Variants in KCNMA1 observed in about 807,000 individuals in gnomAD.
KCNMA1 encodes Calcium-activated potassium channel subunit alpha-1.
A neutral mutation model predicts 140.0 loss-of-function variants in KCNMA1; 29 were observed. The ratio of observed to expected loss-of-function variants is 0.21; its 90% confidence interval spans 0.15 to 0.28. The LOEUF (loss-of-function observed/expected upper bound fraction) is 0.28, where lower values mean the gene tolerates loss of function less well. Among genes scored for constraint, KCNMA1 ranks in the 10% least tolerant of loss-of-function variants. KCNMA1 has a pLI of 1.00. For synonymous variants in KCNMA1, 612 were observed against 611.9 expected (o/e 1.00, Z 0.00); for missense variants, 880 against 1,602.2 (o/e 0.55, Z 7.70).
rs192904596 is a variant in KCNMA1, at chr10:77,116,983, C to G, written c.884+3990G>C. Among the ~76,000 whole-genome samples, 42 of 152,288 alleles carry G rather than the reference C, an allele frequency of 2.8e-4. No homozygotes were observed. The East Asian group carries it at 7.2e-3, about 26-fold the overall frequency. ...TCTCCCTGCACATCTCTTGCAGTCT[C>G]CATATAGAATACTCTTCTTTACAAA... is the stretch of plus-strand genomic sequence containing the variant. On this transcript the variant is annotated intron_variant, in intron 6 of 27. Coordinates refer to ENST00000286628, the MANE Select transcript of KCNMA1 (RefSeq NM_001161352.2).
chr10:77,443,570 T>C (rs984412574), intron 1 of KCNMA1, among the ~76,000 whole-genome samples: 1 of 152,110 alleles, frequency 6.6e-6, no homozygotes, highest in Non-Finnish European at 1.5e-5. Flanking sequence ...TCGTGGAACA[T>C]GGAGGGAGTG....
chr10:77,482,986 TCACATA>T (rs1324969983), intron 1 of KCNMA1, among the ~76,000 whole-genome samples: 16 of 75,454 alleles, frequency 2.1e-4, no homozygotes, highest in African/African-American at 7.9e-4. Flanking sequence ...TCTCTCTCTC[TCACATA>T]CACACACACA....
chr10:77,307,669 C>G (rs1260255056), intron 2 of KCNMA1, among the ~76,000 whole-genome samples: 1 of 152,142 alleles, frequency 6.6e-6, no homozygotes, highest in Non-Finnish European at 1.5e-5. Context: ...GCCTCAGCCT[C>G]CCAAGTAGCT....
intron 1 of KCNMA1, among the ~76,000 whole-genome samples, chr10:77,435,608 C>A (rs779186447): frequency 1.3e-5 from 2 of 152,196 alleles, no homozygotes; most frequent in Non-Finnish European, 2.9e-5. Context: ...GCTACACCAC[C>A]TGTGGTGTGG....
intron 2 of KCNMA1, among the ~76,000 whole-genome samples, chr10:77,316,841 A>G (rs2081021323): frequency 1.3e-5 from 2 of 152,314 alleles, no homozygotes; most frequent in Non-Finnish European, 2.9e-5. Context: ...AGCTTAATTA[A>G]AGTTAACCAC....
chr10:77,147,560 C>T (rs2154041985), intron 5 of KCNMA1: 1 of 152,370 alleles, frequency 6.6e-6, no homozygotes, highest in African/African-American at 2.4e-5. Context: ...TTGGACCTCC[C>T]ATTTCTGAGG....
intron 25 of KCNMA1, among the ~76,000 whole-genome samples, chr10:76,905,815 A>G (rs919846245): frequency 2.0e-5 from 3 of 152,246 alleles, no homozygotes; most frequent in African/African-American, 7.2e-5. Flanking sequence ...GAAAGTTTAA[A>G]TAACATGAAG....
intron 1 of KCNMA1, among the ~76,000 whole-genome samples, chr10:77,576,835 C>G (rs2074287318): frequency 6.6e-6 from 1 of 152,130 alleles, no homozygotes; most frequent in South Asian, 2.1e-4. Context: ...TGCTGGTAAC[C>G]TGTCCAAGTC....
At chr10:77,475,405 G>A (rs528226813) in intron 1 of KCNMA1, among the ~76,000 whole-genome samples, 1 of 152,320 alleles carries the variant, frequency 6.6e-6, no homozygotes, top group South Asian at 2.1e-4. Context: ...CTTTAGGATT[G>A]TGGTTTCGTG....
intron 19 of KCNMA1, among the ~76,000 whole-genome samples, chr10:76,993,348 G>T (rs2083299220): frequency 6.6e-6 from 1 of 152,210 alleles, no homozygotes; most frequent in African/African-American, 2.4e-5. Context: ...TGGGTCAGGG[G>T]TCAGGAAATC....
At chr10:76,916,339 T>C (rs1317131034) in intron 23 of KCNMA1, among the ~76,000 whole-genome samples, 1 of 152,146 alleles carries the variant, frequency 6.6e-6, no homozygotes, top group Non-Finnish European at 1.5e-5. Context: ...CTGGATGAGG[T>C]TGGAACAACT....
chr10:77,034,118 T>G (rs1327696648), intron 15 of KCNMA1, among the ~76,000 whole-genome samples: 2 of 151,770 alleles, frequency 1.3e-5, no homozygotes, highest in South Asian at 4.2e-4. Flanking sequence ...GTGGCACACG[T>G]CTCTAGTCCC....
chr10:77,567,766 A>C (rs541484603), intron 1 of KCNMA1, among the ~76,000 whole-genome samples: 35 of 152,068 alleles, frequency 2.3e-4, no homozygotes, highest in African/African-American at 8.2e-4. Flanking sequence ...TGACACATTT[A>C]ATCTGTAAAA....
chr10:76,951,899 G>A, intron 21 of KCNMA1: 3 of 844,456 alleles, frequency 3.6e-6, no homozygotes, highest in Non-Finnish European at 5.6e-6. Flanking sequence ...CACCCTGCTA[G>A]AACACAAGCT....
At chr10:77,416,356 T>C (rs1177465605) in intron 1 of KCNMA1, among the ~76,000 whole-genome samples, 1 of 152,140 alleles carries the variant, frequency 6.6e-6, no homozygotes, top group Non-Finnish European at 1.5e-5. Flanking sequence ...CTCAGGGCCA[T>C]ACCAACCGCC....
intron 1 of KCNMA1, among the ~76,000 whole-genome samples, chr10:77,600,395 G>A (rs930074491): frequency 8.5e-5 from 13 of 152,146 alleles, no homozygotes; most frequent in South Asian, 4.1e-4. Context: ...CATACACCTC[G>A]TCACTTAGTC....
intron 19 of KCNMA1, among the ~76,000 whole-genome samples, chr10:76,974,865 T>C (rs752338858): frequency 4.6e-5 from 7 of 152,174 alleles, no homozygotes; most frequent in Non-Finnish European, 1.0e-4. Flanking sequence ...CCCCACAACA[T>C]GTACAGACAC....
chr10:77,519,343 G>T (rs1461675565), intron 1 of KCNMA1, among the ~76,000 whole-genome samples: 1 of 152,162 alleles, frequency 6.6e-6, no homozygotes, highest in Admixed American at 6.5e-5. Context: ...GAGATGAAAG[G>T]CTCCTTCTCC....
chr10:77,065,041 C>T (rs942752189), intron 14 of KCNMA1, among the ~76,000 whole-genome samples: 4 of 152,170 alleles, frequency 2.6e-5, no homozygotes, highest in African/African-American at 7.2e-5. Context: ...TACAAGTCCC[C>T]GCTGGTCCTG....
Sources: gnomAD v4.1 joint callset for allele counts (sites outside exome capture counted in the v4.1 genomes callset) on GRCh38, gnomAD v4.1.1 for gene constraint, MANE v1.5 for transcripts, NCBI Gene and HGNC (gene_info 2026-07-23, HGNC 2026-07-21) for gene names.